PJA2: variants seen among roughly 807,000 people sequenced by gnomAD.
The protein encoded by PJA2 is E3 ubiquitin-protein ligase Praja-2.
Under a neutral mutation model 69.3 loss-of-function variants are expected in PJA2, and 25 were observed. That is an observed-to-expected ratio of 0.36 (90% CI 0.26 to 0.50). PJA2 has a LOEUF of 0.50. Ranked by LOEUF, PJA2 falls within the 20% of genes least tolerant of loss-of-function variation. The pLI is 0.96. For synonymous variants in PJA2, 308 were observed against 277.8 expected (o/e 1.11, Z -1.08); for missense variants, 809 against 830.2 (o/e 0.97, Z 0.31).
chr5:109,347,740 G>C (rs1762192249), intron 7 of PJA2, among the ~76,000 whole-genome samples: 1 of 152,238 alleles, frequency 6.6e-6, no homozygotes, highest in Non-Finnish European at 1.5e-5. Flanking sequence ...AGACAGGAGG[G>C]AAGTAGAGTG....
At chr5:109,381,750 A>C in intron 2 of PJA2, 47 bp from the exon 3 acceptor site, 2 of 1,540,900 alleles carry the variant, frequency 1.3e-6, no homozygotes, top group Non-Finnish European at 1.8e-6. Flanking sequence ...AATGAGCTTT[A>C]TTCTTGCAAC....
intron 5 of PJA2, 136 bp downstream of exon 5, chr5:109,368,425 T>C (rs1762620579): frequency 1.5e-6 from 1 of 656,012 alleles, no homozygotes; most frequent in South Asian, 2.7e-5. Flanking sequence ...ACCAAAAGCA[T>C]AATGAAAAAA....
chr5:109,341,122 C>T, intron 9 of PJA2, among the ~76,000 whole-genome samples: 1 of 109,734 alleles, frequency 9.1e-6, no homozygotes, highest in African/African-American at 3.2e-5. Flanking sequence ...TGTGAGGAGC[C>T]CCTCTGCCTG....
rs553576174 is a variant in PJA2 at position 109,366,021 on chromosome 5, T to C, written c.1469+2540A>G. Among the ~76,000 whole-genome samples, 4 of 152,352 alleles carry C rather than the reference T, an allele frequency of 2.6e-5. No homozygotes were observed. In the Middle Eastern group the frequency reaches 0.014, roughly 518 times the overall value. On this transcript the variant is annotated intron_variant, in intron 5 of 9. Coordinates refer to ENST00000361189, the MANE Select transcript of PJA2 (RefSeq NM_014819.5). Reference sequence around the variant, plus strand: ...GAAAATGTACTAATTTATTCCCATTTTTTATTCTTCTTTCTGTTCCATCCC... The same window carrying C: ...GAAAATGTACTAATTTATTCCCATTCTTTATTCTTCTTTCTGTTCCATCCC...
At chr5:109,373,089 C>A (rs1460881279) in intron 4 of PJA2, among the ~76,000 whole-genome samples, 1 of 151,568 alleles carries the variant, frequency 6.6e-6, no homozygotes, top group African/African-American at 2.4e-5. Context: ...GCGAGACTGT[C>A]TCAATAAAAA....
Position 109,362,906 on chromosome 5 carries a change from A to G in PJA2, c.1586T>C (p.Met529Thr). ...PANEFAQPAF[M>T]LDGNNNLEDD... is the part of the protein sequence containing the mutation. ...CTCCAGGTTATTGTTACCATCCAAC[A>G]TGAAAGCTGGCTGTGCAAATTCATT... The change falls in exon 6 of 10, where the codon ATG (methionine) becomes ACG (threonine). Residue 529 changes from methionine (M) to threonine (T), a missense_variant. By Grantham distance (81) the Met-to-Thr change is moderately conservative. This residue lies in a region of PJA2 where 700 missense variants were observed against 639.5 expected (regional missense o/e 1.09). Coordinates refer to ENST00000361189, the MANE Select transcript of PJA2 (RefSeq NM_014819.5). The G allele has an allele frequency of 6.2e-7, 1 of 1,613,854 alleles. No individual in the cohort carries two copies. Among genetic ancestry groups the G allele is most frequent in the East Asian group, 2.2e-5 (1 of 44,870 alleles).
At chr5:109,340,088 C>T (rs1762015276) in intron 9 of PJA2, among the ~76,000 whole-genome samples, 2 of 152,202 alleles carry the variant, frequency 1.3e-5, no homozygotes, top group Admixed American at 6.5e-5. Context: ...TTAGCACGTG[C>T]TGTTTACTGA....
At chr5:109,383,679 T>G (rs78478247) in intron 1 of PJA2, among the ~76,000 whole-genome samples, 159 bp from the exon 2 acceptor site, 1 of 152,184 alleles carries the variant, frequency 6.6e-6, no homozygotes, top group African/African-American at 2.4e-5. Flanking sequence ...CGCCTTAGAT[T>G]ACAGCACTTT....
intron 7 of PJA2, among the ~76,000 whole-genome samples, chr5:109,355,012 C>G (rs1312777622): frequency 6.6e-6 from 1 of 151,968 alleles, no homozygotes; most frequent in Admixed American, 6.6e-5. Context: ...GTCCCCACTA[C>G]CTGGGACAGG....
At chr5:109,385,082 T>C (rs1747127541) in intron 1 of PJA2, among the ~76,000 whole-genome samples, 1 of 152,324 alleles carries the variant, frequency 6.6e-6, no homozygotes, top group Non-Finnish European at 1.5e-5. Context: ...CCCAAAGTGC[T>C]GGGATTACAG....
intron 4 of PJA2, among the ~76,000 whole-genome samples, chr5:109,370,996 T>C (rs1426938706): frequency 6.6e-6 from 1 of 152,188 alleles, no homozygotes; most frequent in East Asian, 1.9e-4. Context: ...AAGAAGCCTA[T>C]GTTATGGATT....
chr5:109,377,395 G>A (rs951629836), intron 4 of PJA2, among the ~76,000 whole-genome samples: 1 of 152,052 alleles, frequency 6.6e-6, no homozygotes, highest in Non-Finnish European at 1.5e-5. Flanking sequence ...TGGACACTGG[G>A]GTAATGGAAA....
In PJA2 at chr5:109,337,273, A is replaced by C; in HGVS notation, c.2085T>G (p.Pro695=). Reference sequence around the variant, plus strand: ...TACTGTCATTTGAAGGTGGGGCATCAGGATCAGGCTCAGAGGAAGGAGCTG... The same window carrying C: ...TACTGTCATTTGAAGGTGGGGCATCCGGATCAGGCTCAGAGGAAGGAGCTG... ...ASAAPSSEPD[P]DAPPSNDSIA... Residue 695 remains proline, a synonymous_variant, in exon 10 of 10, where the codon CCT becomes CCG. Coordinates refer to ENST00000361189, the MANE Select transcript of PJA2 (RefSeq NM_014819.5). 1 of 1,613,870 alleles carries C rather than the reference A, an allele frequency of 6.2e-7. No homozygotes were observed. Among genetic ancestry groups the C allele is most frequent in the Non-Finnish European group, 8.5e-7 (1 of 1,179,916 alleles).
At chr5:109,379,976 AT>A (rs141730505) in intron 3 of PJA2, among the ~76,000 whole-genome samples, 4,601 of 152,258 alleles carry the variant, frequency 0.03, 88 homozygotes, top group Middle Eastern at 0.048. Flanking sequence ...AATAAAAAAA[AT>A]GAAGACATTT....
chr5:109,388,820 T>G, intron 1 of PJA2, among the ~76,000 whole-genome samples: 1 of 152,280 alleles, frequency 6.6e-6, no homozygotes. Context: ...CATTTAAAAT[T>G]CCTCTTAAAT....
chr5:109,381,799 T>G (rs934306402), intron 2 of PJA2, 96 bp from the exon 3 acceptor site: 2 of 926,848 alleles, frequency 2.2e-6, no homozygotes, highest in Non-Finnish European at 3.2e-6. Flanking sequence ...TTTTATTATT[T>G]ATCAAATCAT....
chr5:109,375,336 C>A (rs1298861613), intron 4 of PJA2, among the ~76,000 whole-genome samples: 1 of 151,680 alleles, frequency 6.6e-6, no homozygotes, highest in African/African-American at 2.4e-5. Context: ...ATGGTGAAAC[C>A]CCATCTCTAC....
At chr5:109,370,507 G>C (rs1246881022) in intron 4 of PJA2, among the ~76,000 whole-genome samples, 1 of 152,112 alleles carries the variant, frequency 6.6e-6, no homozygotes, top group Non-Finnish European at 1.5e-5. Context: ...GGATGGCAGG[G>C]CATTAACATC....
At chr5:109,346,200 T>TACTGTATATATATATA (rs1323347170) in intron 7 of PJA2, among the ~76,000 whole-genome samples, 1 of 152,230 alleles carries the variant, frequency 6.6e-6, no homozygotes, top group Non-Finnish European at 1.5e-5. Flanking sequence ...TATATCCTAA[T>TACTGTATATATATATA]TACAGCATCA....
Sources: allele counts gnomAD v4.1 joint callset (sites outside exome capture counted in the v4.1 genomes callset), GRCh38; gene constraint gnomAD v4.1.1; regional missense constraint gnomAD v4.1.1; transcripts MANE v1.5; gene names NCBI Gene and HGNC (gene_info 2026-07-23, HGNC 2026-07-21).